PLBD1: variants seen among roughly 807,000 people sequenced by gnomAD.
The protein encoded by PLBD1 is phospholipase B domain containing 1.
A neutral mutation model predicts 63.0 loss-of-function variants in PLBD1; 60 were observed. That is an observed-to-expected ratio of 0.95 (90% CI 0.77 to 1.18). The LOEUF (loss-of-function observed/expected upper bound fraction) is 1.18. PLBD1 is among the 50% of genes most tolerant of loss of function. The pLI is 0.00. For synonymous variants in PLBD1, 262 were observed against 248.0 expected, an observed-to-expected ratio of 1.06 and a Z score of -0.53; for missense variants, 598 against 677.9, an observed-to-expected ratio of 0.88 and a Z score of 1.31.
intron 8 of PLBD1, among the ~76,000 whole-genome samples, chr12:14,507,890 G>C (rs1945268275): frequency 6.6e-6 from 1 of 152,162 alleles, no homozygotes; most frequent in East Asian, 1.9e-4. Context: ...AAACATCCTG[G>C]ATGACACTGG....
chr12:14,539,888 A>G (rs1185275380), intron 4 of PLBD1, among the ~76,000 whole-genome samples: 1 of 149,888 alleles, frequency 6.7e-6, no homozygotes, highest in Non-Finnish European at 1.5e-5. Flanking sequence ...GTGTATATAC[A>G]CATATATATA....
intron 5 of PLBD1, chr12:14,536,224 G>C: frequency 4.2e-6 from 1 of 237,320 alleles, no homozygotes; most frequent in Non-Finnish European, 8.2e-6. Context: ...GCTTGAACCT[G>C]GGAGGCAGAG....
At chr12:14,547,338 A>G (rs1172786497) in intron 2 of PLBD1, among the ~76,000 whole-genome samples, 2 of 152,060 alleles carry the variant, frequency 1.3e-5, no homozygotes, top group Non-Finnish European at 2.9e-5. Flanking sequence ...AAGGAATACA[A>G]TCTTCTTGCA....
chr12:14,512,926 T>A (rs1483975539), intron 6 of PLBD1, among the ~76,000 whole-genome samples: 4 of 152,222 alleles, frequency 2.6e-5, no homozygotes, highest in Admixed American at 2.0e-4. Flanking sequence ...CCCTTCATCT[T>A]GGGCTTCCCA....
At chr12:14,509,969 A>C (rs1173681197) in intron 8 of PLBD1, among the ~76,000 whole-genome samples, 1 of 152,218 alleles carries the variant, frequency 6.6e-6, no homozygotes, top group Non-Finnish European at 1.5e-5. Context: ...GAGCCAGATG[A>C]GTCTCAGAAT....
At chr12:14,530,715 A>T (rs1330420503) in intron 6 of PLBD1, among the ~76,000 whole-genome samples, 2 of 152,218 alleles carry the variant, frequency 1.3e-5, no homozygotes, top group Non-Finnish European at 2.9e-5. Flanking sequence ...CTTTGTGCTG[A>T]GGTCTTCACA....
At chr12:14,539,382 T>C (rs1380649228) in intron 4 of PLBD1, among the ~76,000 whole-genome samples, 1 of 151,966 alleles carries the variant, frequency 6.6e-6, no homozygotes, top group Non-Finnish European at 1.5e-5. Flanking sequence ...GTATAGCTCA[T>C]TACCTGCCTC....
At chr12:14,532,708 G>A (rs1210618538) in intron 6 of PLBD1, among the ~76,000 whole-genome samples, 5 of 152,176 alleles carry the variant, frequency 3.3e-5, no homozygotes, top group South Asian at 4.1e-4. Flanking sequence ...GTCCACATGC[G>A]TTGCTTTCTG....
chr12:14,540,340 C>T (rs898363651), intron 4 of PLBD1, among the ~76,000 whole-genome samples: 5 of 151,168 alleles, frequency 3.3e-5, no homozygotes, highest in Admixed American at 6.6e-5. Flanking sequence ...TAAAGCTTTC[C>T]CCCAGAATTA....
chr12:14,535,617 A>G, intron 6 of PLBD1, 42 bp downstream of exon 6: 2 of 1,603,316 alleles, frequency 1.2e-6, no homozygotes, highest in Non-Finnish European at 1.7e-6. Context: ...TTATCCAGGA[A>G]TAGTACTCAA....
At chr12:14,546,383 A>G (rs1008817173) in intron 2 of PLBD1, among the ~76,000 whole-genome samples, 4 of 152,172 alleles carry the variant, frequency 2.6e-5, no homozygotes, top group African/African-American at 7.2e-5. Flanking sequence ...TTGGAAACCA[A>G]TAACTTGTGG....
intron 6 of PLBD1, among the ~76,000 whole-genome samples, chr12:14,531,443 A>G (rs191071297): frequency 6.6e-6 from 1 of 152,292 alleles, no homozygotes; most frequent in Admixed American, 6.5e-5. Flanking sequence ...TAATGACTCA[A>G]AAATCCTTAT....
intron 10 of PLBD1, among the ~76,000 whole-genome samples, chr12:14,504,168 G>C (rs548063032): frequency 6.6e-6 from 1 of 152,172 alleles, no homozygotes; most frequent in Non-Finnish European, 1.5e-5. Flanking sequence ...TCCTGCCTCA[G>C]CCTCCCAAGT....
chr12:14,528,164 T>G (rs942374103), intron 6 of PLBD1, among the ~76,000 whole-genome samples: 1 of 152,158 alleles, frequency 6.6e-6, no homozygotes, highest in Admixed American at 6.5e-5. Flanking sequence ...TCTTTTGTAG[T>G]AAATGATTAA....
chr12:14,539,257 TA>T (rs1466513763), intron 4 of PLBD1, among the ~76,000 whole-genome samples: 1 of 152,006 alleles, frequency 6.6e-6, no homozygotes, highest in Non-Finnish European at 1.5e-5. Flanking sequence ...GAAAAATAAA[TA>T]AACACTGATG....
chr12:14,519,532 T>C (rs1945360877), intron 6 of PLBD1, among the ~76,000 whole-genome samples: 7 of 148,762 alleles, frequency 4.7e-5, no homozygotes, highest in Admixed American at 4.1e-4. Flanking sequence ...GGCAGGAGAA[T>C]CACATGAACC....
rs779483213 is a variant in PLBD1 at position 14,503,967 on chromosome 12, A to C, written c.1480-13T>G. On this transcript the variant is annotated splice_polypyrimidine_tract_variant and intron_variant, in intron 10 of 10. Transcript: ENST00000240617. ...AGATATCTGCCACCTGGAAAGAGGGAGGAGGAGGACATTTTAGAAAATCAT... is the reference window on the plus strand; with the variant it reads ...AGATATCTGCCACCTGGAAAGAGGGCGGAGGAGGACATTTTAGAAAATCAT... The C allele has an allele frequency of 1.3e-6, 2 of 1,578,140 alleles. No homozygotes were observed. The highest frequency in any genetic ancestry group is 1.7e-6 in the Non-Finnish European group (2 of 1,154,218).
At chr12:14,504,805 C>CTT (rs1466645087) in intron 10 of PLBD1, among the ~76,000 whole-genome samples, 1 of 152,176 alleles carries the variant, frequency 6.6e-6, no homozygotes, top group African/African-American at 2.4e-5. Flanking sequence ...AAGAGAATCT[C>CTT]TTCTTCTTTT....
Position 14,545,882 on chromosome 12 carries a change from T to C in PLBD1, c.336-3591A>G, listed in dbSNP as rs142253574. Among the ~76,000 whole-genome samples the C allele has an allele frequency of 3.6e-3, 541 of 152,334 alleles. 2 individuals carry two copies. The highest frequency in any genetic ancestry group is 0.012 in the African/African-American group (498 of 41,582). On this transcript the variant is annotated intron_variant, in intron 2 of 10. Transcript: ENST00000240617. Reference sequence around the variant, plus strand: ...ATCACATTTAACTATTATTTACATATAGTTTATGCTGTCACATACCTCTGC... The same window carrying C: ...ATCACATTTAACTATTATTTACATACAGTTTATGCTGTCACATACCTCTGC...
Sources: gnomAD v4.1 joint callset for allele counts (sites outside exome capture counted in the v4.1 genomes callset) on GRCh38, gnomAD v4.1.1 for gene constraint, MANE v1.5 for transcripts, NCBI Gene and HGNC (gene_info 2026-07-23, HGNC 2026-07-21) for gene names.